MLIP: variants seen among roughly 807,000 people sequenced by gnomAD.
MLIP encodes muscular LMNA-interacting protein.
Under a neutral mutation model 84.8 loss-of-function variants are expected in MLIP, and 79 were observed. That is an observed-to-expected ratio of 0.93 (90% CI 0.78 to 1.12). The LOEUF is 1.12. Among genes scored for constraint, MLIP ranks in the 50% most tolerant of loss-of-function variants. MLIP has a pLI of 0.00. For synonymous variants in MLIP, 504 were observed against 463.0 expected, an observed-to-expected ratio of 1.09 and a Z score of -1.14; for missense variants, 1,257 against 1,160.6, an observed-to-expected ratio of 1.08 and a Z score of -1.21.
chr6:54,236,160 G>T (rs1359755306), intron 12 of MLIP, among the ~76,000 whole-genome samples: 1 of 152,130 alleles, frequency 6.6e-6, no homozygotes, highest in African/African-American at 2.4e-5. Flanking sequence ...AAATTTATTT[G>T]TAACCCCAAA....
intron 1 of MLIP, among the ~76,000 whole-genome samples, chr6:54,019,467 C>T (rs1021078276): frequency 3.3e-5 from 5 of 152,024 alleles, no homozygotes; most frequent in African/African-American, 1.2e-4. Context: ...GGAATATATG[C>T]CAAGAAAAAT....
intron 8 of MLIP, among the ~76,000 whole-genome samples, chr6:54,163,618 A>C (rs986716289): frequency 2.0e-5 from 3 of 151,982 alleles, no homozygotes; most frequent in Admixed American, 1.3e-4. Flanking sequence ...TTTTGTAAGT[A>C]CTATAGCACT....
intron 11 of MLIP, among the ~76,000 whole-genome samples, chr6:54,228,843 ATAGT>A (rs924240878): frequency 1.8e-4 from 27 of 152,326 alleles, no homozygotes; most frequent in East Asian, 3.9e-4. Flanking sequence ...CTTTTCTCAC[ATAGT>A]TAGTCTTGTG....
chr6:54,265,208 G>A (rs1259366005), intron 13 of MLIP, among the ~76,000 whole-genome samples: 6 of 152,112 alleles, frequency 3.9e-5, no homozygotes, highest in African/African-American at 1.4e-4. Flanking sequence ...TCAGAGACAT[G>A]TCTTAGAACT....
intron 1 of MLIP, among the ~76,000 whole-genome samples, chr6:54,036,689 A>T (rs1201046217): frequency 6.6e-6 from 1 of 152,034 alleles, no homozygotes; most frequent in African/African-American, 2.4e-5. Context: ...GTTCCTAAAA[A>T]AATGAAAAAT....
At chr6:54,219,539 G>A (rs1780089373) in intron 11 of MLIP, among the ~76,000 whole-genome samples, 1 of 151,988 alleles carries the variant, frequency 6.6e-6, no homozygotes, top group Non-Finnish European at 1.5e-5. Context: ...GTGCATGACT[G>A]TATGTATCTA....
At chr6:54,063,881 A>G (rs1256311300) in intron 1 of MLIP, among the ~76,000 whole-genome samples, 1 of 152,212 alleles carries the variant, frequency 6.6e-6, no homozygotes, top group East Asian at 1.9e-4. Context: ...AATTGGCACA[A>G]TCTAAGAGTT....
intron 13 of MLIP, among the ~76,000 whole-genome samples, chr6:54,263,509 A>G (rs1194877892): frequency 2.0e-5 from 3 of 152,084 alleles, no homozygotes; most frequent in South Asian, 4.1e-4. Flanking sequence ...TTTGTTCTCA[A>G]TACATGCAGC....
intron 1 of MLIP, among the ~76,000 whole-genome samples, chr6:54,027,361 G>T (rs1176697256): frequency 7.6e-6 from 1 of 132,224 alleles, no homozygotes. Flanking sequence ...GTTTTTATTT[G>T]GAATAAAAAA....
In MLIP at chr6:54,210,730, G is replaced by GAAAAAAAA; in HGVS notation, c.2718+8506_2718+8513dup. ...TTTACAATAAAGACTCCAACGGAGGGAAAAAAAAAAAAAAAATGTTCTAAT... is the reference window on the plus strand; with the variant it reads ...TTTACAATAAAGACTCCAACGGAGGGAAAAAAAAAAAAAAAAAAAAAAAATGTTCTAAT... On this transcript the variant is annotated intron_variant, in intron 11 of 13. Transcript: ENST00000502396. 1.5e-5 allele frequency among the ~76,000 whole-genome samples: 2 copies of GAAAAAAAA among 131,230 alleles called. 1 individual carries two copies. The highest frequency in any genetic ancestry group is 3.2e-5 in the Non-Finnish European group (2 of 63,076). 86.1% of individuals were successfully genotyped at this position (131,230 alleles called of 152,430 possible).
At chr6:54,022,516 T>C (rs979854183) in intron 1 of MLIP, among the ~76,000 whole-genome samples, 4 of 152,338 alleles carry the variant, frequency 2.6e-5, no homozygotes, top group Admixed American at 2.6e-4. Context: ...ATGAAGTTAC[T>C]TCTGGAATAG....
intron 12 of MLIP, among the ~76,000 whole-genome samples, chr6:54,250,595 A>G (rs1157966461): frequency 1.3e-5 from 2 of 152,244 alleles, no homozygotes; most frequent in East Asian, 3.9e-4. Context: ...TTCATTTAAT[A>G]AGCACTTTCA....
At chr6:54,179,905 C>G (rs1776676544) in intron 9 of MLIP, among the ~76,000 whole-genome samples, 1 of 152,104 alleles carries the variant, frequency 6.6e-6, no homozygotes, top group Admixed American at 6.6e-5. Flanking sequence ...TTTGTATCTT[C>G]TGATGATTTC....
At chr6:54,081,643 C>T (rs913206549) in intron 1 of MLIP, among the ~76,000 whole-genome samples, 4 of 152,074 alleles carry the variant, frequency 2.6e-5, no homozygotes, top group African/African-American at 9.7e-5. Flanking sequence ...AAACTCCTGA[C>T]CTCAGGTGAT....
At chr6:54,189,111 A>C (rs1777677631) in intron 9 of MLIP, among the ~76,000 whole-genome samples, 1 of 152,304 alleles carries the variant, frequency 6.6e-6, no homozygotes, top group Admixed American at 6.5e-5. Flanking sequence ...ACTAGGGAGC[A>C]GGGGGAAATG....
chr6:54,133,522 C>T (rs1300877934), intron 3 of MLIP, among the ~76,000 whole-genome samples: 1 of 152,170 alleles, frequency 6.6e-6, no homozygotes, highest in Non-Finnish European at 1.5e-5. Context: ...CTGTCAGAAT[C>T]TCAGAAAGTA....
At chr6:54,218,975 A>G (rs1412837326) in intron 11 of MLIP, among the ~76,000 whole-genome samples, 1 of 150,938 alleles carries the variant, frequency 6.6e-6, no homozygotes, top group Non-Finnish European at 1.5e-5. Context: ...AGGCTGAAGC[A>G]GGCGGATCAT....
chr6:54,164,790 C>T (rs978484201), intron 8 of MLIP, among the ~76,000 whole-genome samples: 1 of 151,698 alleles, frequency 6.6e-6, no homozygotes, highest in South Asian at 2.1e-4. Context: ...GGATCAGTAG[C>T]TCTTTTTTTT....
chr6:54,196,173 G>A (rs1373586061), intron 10 of MLIP, among the ~76,000 whole-genome samples: 2 of 152,042 alleles, frequency 1.3e-5, no homozygotes, highest in Admixed American at 1.3e-4. Flanking sequence ...GAGTCAATCA[G>A]CACCTTTTTT....
Sources: gnomAD v4.1 joint callset for allele counts (sites outside exome capture counted in the v4.1 genomes callset) on GRCh38, gnomAD v4.1.1 for gene constraint, MANE v1.5 for transcripts, NCBI Gene and HGNC (gene_info 2026-07-23, HGNC 2026-07-21) for gene names.